SLC38A11: variants seen among roughly 807,000 people sequenced by gnomAD.
The protein encoded by SLC38A11 is putative sodium-coupled neutral amino acid transporter 11.
Under a neutral mutation model 49.4 loss-of-function variants are expected in SLC38A11, and 51 were observed. That is an observed-to-expected ratio of 1.03 (90% CI 0.83 to 1.30). The LOEUF is 1.30. Ranked by LOEUF, SLC38A11 falls within the 50% of genes most tolerant of loss-of-function variation. The pLI, the probability that SLC38A11 is intolerant of heterozygous loss-of-function variation, is 0.00. For missense variants in SLC38A11, 574 were observed against 556.2 expected, an observed-to-expected ratio of 1.03 and a Z score of -0.32; for synonymous variants, 203 against 192.9, an observed-to-expected ratio of 1.05 and a Z score of -0.43.
At chr2:164,942,316 T>A (rs1003876703) in intron 5 of SLC38A11, among the ~76,000 whole-genome samples, 1 of 150,882 alleles carries the variant, frequency 6.6e-6, no homozygotes, top group African/African-American at 2.4e-5. Context: ...GCACCTGCAA[T>A]CCGAGCTACT....
At chr2:164,944,969 A>G (rs563792679) in intron 4 of SLC38A11, among the ~76,000 whole-genome samples, 1 of 152,314 alleles carries the variant, frequency 6.6e-6, no homozygotes, top group Admixed American at 6.5e-5. Flanking sequence ...TGTGCTGCAT[A>G]AAGTGAGGAA....
intron 11 of SLC38A11, among the ~76,000 whole-genome samples, chr2:164,902,033 CTTT>C (rs60476941): frequency 6.0e-5 from 8 of 133,270 alleles, no homozygotes; most frequent in Non-Finnish European, 9.6e-5. Context: ...TTTTCTCTCT[CTTT>C]TTTTTTTTTT....
intron 3 of SLC38A11, among the ~76,000 whole-genome samples, chr2:164,946,523 G>C (rs35616854): frequency 0.25 from 36,140 of 143,134 alleles, 4,849 homozygotes; most frequent in East Asian, 0.37. Flanking sequence ...CCGAGATTCT[G>C]CCACTTCTCT....
At chr2:164,953,015 C>T (rs746193197) in intron 2 of SLC38A11, 25 of 424,084 alleles carry the variant, frequency 5.9e-5, no homozygotes, top group East Asian at 2.4e-4. Flanking sequence ...TCTGAGGTGA[C>T]GGAATAAGAA....
At chr2:164,950,894 G>T (rs1045619063) in intron 3 of SLC38A11, among the ~76,000 whole-genome samples, 4 of 151,964 alleles carry the variant, frequency 2.6e-5, no homozygotes, top group African/African-American at 9.7e-5. Context: ...CCTACATGTA[G>T]ATTTTGCTCT....
chr2:164,902,892 A>T (rs1208697972), intron 11 of SLC38A11, among the ~76,000 whole-genome samples: 1 of 152,168 alleles, frequency 6.6e-6, no homozygotes, highest in East Asian at 1.9e-4. Context: ...AAATACCAAA[A>T]TCATGTTCTA....
chr2:164,954,799 G>T, intron 1 of SLC38A11, 54 bp from the exon 2 acceptor site: 2 of 867,968 alleles, frequency 2.3e-6, no homozygotes, highest in Non-Finnish European at 3.5e-6. Context: ...AATTAGAAAA[G>T]TAACAAATAT....
chr2:164,942,090 G>C (rs1352274434), intron 5 of SLC38A11, among the ~76,000 whole-genome samples: 1 of 151,878 alleles, frequency 6.6e-6, no homozygotes, highest in Non-Finnish European at 1.5e-5. Context: ...AAATAAATCG[G>C]CGCTACTTTT....
At position 164,919,651 on chromosome 2, in the gene SLC38A11, A is replaced by C. The variant is rs189030524; in HGVS notation, c.618-3678T>G. On this transcript the variant is annotated intron_variant, in intron 7 of 11. Transcript: ENST00000685975. ...TAAAATGGTTTAATACTTGCATATA[A>C]CTTAAGCACATACTTTTATATAATT... is the stretch of plus-strand genomic sequence containing the variant. 3.0e-3 allele frequency among the ~76,000 whole-genome samples: 453 copies of C among 152,322 alleles called. 3 individuals carry two copies. The highest frequency in any genetic ancestry group is 5.2e-3 in the Non-Finnish European group (356 of 68,016).
chr2:164,923,069 C>T (rs1420361247), intron 7 of SLC38A11, among the ~76,000 whole-genome samples: 1 of 152,106 alleles, frequency 6.6e-6, no homozygotes, highest in African/African-American at 2.4e-5. Context: ...TATACAAAAA[C>T]TAACTTGAGA....
intron 7 of SLC38A11, among the ~76,000 whole-genome samples, chr2:164,925,480 C>T (rs1392756828): frequency 2.0e-5 from 3 of 150,982 alleles, no homozygotes; most frequent in African/African-American, 7.3e-5. Context: ...TATATGCAGT[C>T]CCTGTACAGT....
chr2:164,902,042 T>G (rs1292263530), intron 11 of SLC38A11, among the ~76,000 whole-genome samples: 2 of 150,980 alleles, frequency 1.3e-5, no homozygotes, highest in Non-Finnish European at 3.0e-5. Flanking sequence ...TCTTTTTTTT[T>G]TTTTTTTTGG....
intron 3 of SLC38A11, among the ~76,000 whole-genome samples, chr2:164,945,965 C>G (rs1688076973): frequency 6.6e-6 from 1 of 152,104 alleles, no homozygotes; most frequent in Non-Finnish European, 1.5e-5. Flanking sequence ...CATACCCATG[C>G]AAAGAACAGG....
chr2:164,937,715 A>T (rs1687469855), intron 6 of SLC38A11: 3 of 219,902 alleles, frequency 1.4e-5, no homozygotes, highest in Admixed American at 5.6e-5. Flanking sequence ...TCCTGCATGG[A>T]ATACAAAACT....
chr2:164,940,817 A>G (rs1185921578), intron 5 of SLC38A11, among the ~76,000 whole-genome samples: 2 of 151,666 alleles, frequency 1.3e-5, no homozygotes, highest in African/African-American at 2.4e-5. Flanking sequence ...AATTTTTAAT[A>G]CTAATGGAAT....
intron 7 of SLC38A11, among the ~76,000 whole-genome samples, chr2:164,931,241 C>CAA (rs71028455): frequency 0.034 from 2,572 of 74,752 alleles, 49 homozygotes; most frequent in African/African-American, 0.081. Flanking sequence ...TGATCCCCCA[C>CAA]AAAAAAAAAA....
intron 9 of SLC38A11, 49 bp downstream of exon 9, chr2:164,915,063 A>G (rs1685675511): frequency 2.7e-6 from 4 of 1,498,170 alleles, no homozygotes; most frequent in South Asian, 1.3e-5. Flanking sequence ...AACATTCGGT[A>G]TACCTGTACC....
intron 7 of SLC38A11, among the ~76,000 whole-genome samples, chr2:164,931,416 C>G (rs1686998287): frequency 6.6e-6 from 1 of 151,674 alleles, no homozygotes; most frequent in African/African-American, 2.4e-5. Context: ...GAACTAGAAA[C>G]AACTATTTTA....
At chr2:164,933,262 A>T (rs528467919) in intron 7 of SLC38A11, among the ~76,000 whole-genome samples, 3 of 152,028 alleles carry the variant, frequency 2.0e-5, no homozygotes, top group African/African-American at 7.2e-5. Context: ...TTTAACAGTG[A>T]TAATGCCTCT....
Sources: allele counts gnomAD v4.1 joint callset (sites outside exome capture counted in the v4.1 genomes callset), GRCh38; gene constraint gnomAD v4.1.1; transcripts MANE v1.5; gene names NCBI Gene and HGNC (gene_info 2026-07-23, HGNC 2026-07-21).